The following HYDIN variants were observed in gnomAD, a reference collection of about 807,000 sequenced individuals.
HYDIN encodes the protein axonemal central pair apparatus protein HYDIN.
In HYDIN, 132 loss-of-function variants were observed where a neutral mutation model predicts 403.9. The ratio of observed to expected loss-of-function variants is 0.33; its 90% CI spans 0.28 to 0.38. The LOEUF is 0.38. Among genes scored for constraint, HYDIN ranks in the 10% least tolerant of loss-of-function variants. HYDIN has a pLI of 1.00. For synonymous variants in HYDIN, 1,202 were observed against 1,891.7 expected (o/e 0.64, Z 9.46); for missense variants, 2,827 against 5,009.5 (o/e 0.56, Z 13.15).
chr16:70,907,635 C>T (rs1049626933), intron 49 of HYDIN, 144 bp from the exon 50 acceptor site: 2 of 464,042 alleles, frequency 4.3e-6, no homozygotes, highest in Non-Finnish European at 7.8e-6. Flanking sequence ...TTTGTCCCAG[C>T]TCCTTCCCAC....
chr16:70,933,143 C>T (rs2077398121), intron 45 of HYDIN, among the ~76,000 whole-genome samples: 1 of 151,846 alleles, frequency 6.6e-6, no homozygotes, highest in Admixed American at 6.6e-5. Flanking sequence ...TACACAGTAC[C>T]ACAGCAAAGA....
At chr16:71,168,348 C>T (rs1448287550) in intron 5 of HYDIN, among the ~76,000 whole-genome samples, 2 of 143,484 alleles carry the variant, frequency 1.4e-5, no homozygotes, top group Non-Finnish European at 3.0e-5. Context: ...AAGTATACAT[C>T]CTTACTCCTC....
At chr16:70,913,430 T>C (rs923573393) in intron 47 of HYDIN, among the ~76,000 whole-genome samples, 1 of 151,770 alleles carries the variant, frequency 6.6e-6, no homozygotes, top group African/African-American at 2.4e-5. Context: ...TGTATTTGCA[T>C]GGCTTTGAAG....
At chr16:71,185,502 A>G (rs1168166782) in intron 2 of HYDIN, among the ~76,000 whole-genome samples, 25 of 152,194 alleles carry the variant, frequency 1.6e-4, no homozygotes, top group Admixed American at 1.6e-3. Context: ...AAGTGTGACT[A>G]CATCACTTAG....
chr16:70,943,772 T>C, intron 42 of HYDIN, 40 bp downstream of exon 42: 1 of 1,597,956 alleles, frequency 6.3e-7, no homozygotes, highest in Non-Finnish European at 8.5e-7. Flanking sequence ...GGTGCGTGAA[T>C]GCCAAGCCCT....
Position 70,910,103 on chromosome 16 carries a change from T to TA in HYDIN, c.8005-1243dup, listed in dbSNP as rs1297528501. Among the ~76,000 whole-genome samples, 149 of 152,322 alleles carry TA rather than the reference T, an allele frequency of 9.8e-4. 1 individual carries two copies. In the Middle Eastern group the frequency reaches 0.017, roughly 17 times the overall value. ...AATTTTTTATTATTTTTCTATTTTTTATAGGTTATTGGGGTACAGGTGGTA... is the reference window on the plus strand; with the variant it reads ...AATTTTTTATTATTTTTCTATTTTTTAATAGGTTATTGGGGTACAGGTGGTA... On this transcript the variant is annotated intron_variant, in intron 47 of 85. Transcript: ENST00000393567.
At chr16:70,954,620 C>A (rs2078175503) in intron 40 of HYDIN, among the ~76,000 whole-genome samples, 1 of 152,124 alleles carries the variant, frequency 6.6e-6, no homozygotes, top group Non-Finnish European at 1.5e-5. Context: ...TGGGCGTGGC[C>A]ATCTTGAATC....
chr16:71,094,759 C>A lies in HYDIN; in HGVS notation c.1328-824G>T, dbSNP rs558616504. Among the ~76,000 whole-genome samples, 3 of 152,306 alleles carry A rather than the reference C, an allele frequency of 2.0e-5. No homozygotes were observed. In the East Asian group the frequency reaches 5.8e-4, roughly 29 times the overall value. On this transcript the variant is annotated intron_variant, in intron 10 of 85. Coordinates refer to ENST00000393567, the MANE Select transcript of HYDIN (RefSeq NM_001270974.2). ...GCAGCAGAGGAAAAGTCTGTCCCAGCTCTCAGAGACAAACCAATGTGCCTT... is the reference window on the plus strand; with the variant it reads ...GCAGCAGAGGAAAAGTCTGTCCCAGATCTCAGAGACAAACCAATGTGCCTT...
chr16:70,981,755 T>C (rs541032495), intron 28 of HYDIN, among the ~76,000 whole-genome samples, 187 bp from the exon 29 acceptor site: 148 of 152,142 alleles, frequency 9.7e-4, no homozygotes, highest in South Asian at 3.5e-3. Flanking sequence ...ACTGGTTCTT[T>C]GAAAAAAGAC....
chr16:71,220,677 A>C (rs150653379), intron 1 of HYDIN, among the ~76,000 whole-genome samples: 3 of 152,326 alleles, frequency 2.0e-5, no homozygotes, highest in Non-Finnish European at 4.4e-5. Context: ...CAATACAAAA[A>C]TTATTAAGAA....
chr16:71,205,604 A>T (rs1287511841), intron 1 of HYDIN, among the ~76,000 whole-genome samples: 4 of 152,214 alleles, frequency 2.6e-5, no homozygotes, highest in African/African-American at 9.6e-5. Flanking sequence ...AGGAGCACCA[A>T]CATTGTTCTG....
chr16:70,849,651 A>T (rs1440628822), intron 75 of HYDIN, 75 bp downstream of exon 75: 1 of 1,008,444 alleles, frequency 9.9e-7, no homozygotes, highest in Non-Finnish European at 1.5e-6. Context: ...GACAAAGAAC[A>T]CACAGGAGAA....
intron 74 of HYDIN, 52 bp from the exon 75 acceptor site, chr16:70,849,999 G>A (rs2038511125): frequency 1.7e-6 from 1 of 592,000 alleles, no homozygotes; most frequent in Non-Finnish European, 3.0e-6. Flanking sequence ...CCCTTGTCTG[G>A]GGTCAGCATT....
chr16:71,011,022 G>T (rs1211021241), intron 23 of HYDIN, among the ~76,000 whole-genome samples: 17 of 152,202 alleles, frequency 1.1e-4, no homozygotes, highest in Non-Finnish European at 4.4e-5. Flanking sequence ...TCTATCATTT[G>T]TTGGAAGTAA....
intron 73 of HYDIN, among the ~76,000 whole-genome samples, chr16:70,852,109 TA>T (rs112814488): frequency 8.1e-6 from 1 of 123,556 alleles, no homozygotes; most frequent in Non-Finnish European, 1.6e-5. Context: ...TGGGGATTAC[TA>T]GGGGGAGGGG....
chr16:70,832,912 T>G lies in HYDIN; in HGVS notation c.13835A>C (p.Gln4612Pro). 6.2e-7 allele frequency: 1 copy of G among 1,614,006 alleles called. No homozygotes were observed. Residue 4612 changes from glutamine (Q) to proline (P), a missense_variant, in exon 80 of 86, where the codon CAG (glutamine) becomes CCG (proline). Gln to Pro is a moderately conservative substitution (Grantham distance 76). Coordinates refer to ENST00000393567, the MANE Select transcript of HYDIN (RefSeq NM_001270974.2). The stretch of plus-strand genomic sequence containing the variant: ...GGTTAGACTCAGAGGACTGCCTCCC[T>G]GGATGTAGCAGAGAATGTTTTTACA... ...SLCKNILCYI[Q>P]GGSPLSLTLS...
intron 50 of HYDIN, 141 bp downstream of exon 50, chr16:70,907,231 C>T (rs2076561149): frequency 6.8e-6 from 4 of 591,828 alleles, no homozygotes; most frequent in Non-Finnish European, 6.0e-6. Flanking sequence ...ACACAAGAAC[C>T]CAGTTCTCCT....
At chr16:71,000,303 G>A (rs576299348) in intron 23 of HYDIN, among the ~76,000 whole-genome samples, 57 of 149,072 alleles carry the variant, frequency 3.8e-4, no homozygotes, top group African/African-American at 1.2e-3. Context: ...TGGAAACATC[G>A]GGAAAATGCC....
chr16:70,930,718 G>C (rs1387068537), intron 45 of HYDIN, among the ~76,000 whole-genome samples: 1 of 152,122 alleles, frequency 6.6e-6, no homozygotes, highest in Non-Finnish European at 1.5e-5. Context: ...CTAAAGAATG[G>C]AACTGACATC....
Sources: gnomAD v4.1 joint callset for allele counts (sites outside exome capture counted in the v4.1 genomes callset) on GRCh38, gnomAD v4.1.1 for gene constraint, MANE v1.5 for transcripts, NCBI Gene and HGNC (gene_info 2026-07-23, HGNC 2026-07-21) for gene names.